Variants in TRAPPC10 observed in about 807,000 individuals in gnomAD.
The protein encoded by TRAPPC10 is TRAPP 130 kDa subunit.
TRAPPC10 carries 23 observed loss-of-function variants against 125.5 expected under a neutral mutation model. The ratio of observed to expected loss-of-function variants is 0.18; its 90% CI spans 0.13 to 0.26. The LOEUF (loss-of-function observed/expected upper bound fraction) is 0.26. TRAPPC10 is among the 10% of genes least tolerant of loss of function. The probability of loss-of-function intolerance (pLI) is 1.00; values close to 1 mark genes in which losing one functional copy is unlikely to be tolerated. For missense variants in TRAPPC10, 1,123 were observed against 1,308.4 expected, an observed-to-expected ratio of 0.86 and a Z score of 2.19; for synonymous variants, 509 against 518.0, an observed-to-expected ratio of 0.98 and a Z score of 0.24.
intron 17 of TRAPPC10, 51 bp from the exon 18 acceptor site, chr21:44,089,782 G>T: frequency 1.4e-6 from 2 of 1,436,442 alleles, no homozygotes; most frequent in Non-Finnish European, 2.0e-6. Flanking sequence ...GGTGGTGGCT[G>T]TGCTGTCCGT....
intron 12 of TRAPPC10, 50 bp downstream of exon 12, chr21:44,079,754 G>A (rs377248943): frequency 1.0e-5 from 16 of 1,569,344 alleles, no homozygotes; most frequent in South Asian, 2.4e-5. Context: ...CTGTTTATAC[G>A]GCAACATTGC....
At chr21:44,037,998 T>C (rs913889949) in intron 3 of TRAPPC10, 71 bp downstream of exon 3, 1 of 1,557,102 alleles carries the variant, frequency 6.4e-7, no homozygotes, top group Non-Finnish European at 8.7e-7. Context: ...GCTGTGTGAG[T>C]ACCAGTGGGG....
rs747473157 is a variant in TRAPPC10 at position 44,079,640 on chromosome 21, C to T, written c.1546C>T (p.Leu516Phe). The change falls in exon 12 of 23, where the codon CTC becomes TTC. Residue 516 changes from leucine to phenylalanine, a missense_variant. Transcript: ENST00000291574. Reference sequence around the variant, plus strand: ...AAACTACCTGGCTGAGGGCTGGGCACTCCCCATCACACACACAAGGAAGCA... The same window carrying T: ...AAACTACCTGGCTGAGGGCTGGGCATTCCCCATCACACACACAAGGAAGCA... ...LKNYLAEGWALPITHTRKQLA... is the reference protein window; with the variant it reads ...LKNYLAEGWAFPITHTRKQLA... 2 of 1,610,738 alleles carry T rather than the reference C, an allele frequency of 1.2e-6. No homozygotes were observed. The highest frequency in any genetic ancestry group is 3.4e-5 in the Admixed American group (2 of 58,800).
intron 1 of TRAPPC10, among the ~76,000 whole-genome samples, chr21:44,016,398 C>T (rs895037505): frequency 6.6e-6 from 1 of 152,172 alleles, no homozygotes. Flanking sequence ...TGACTGTCCT[C>T]ATACCTACAA....
intron 2 of TRAPPC10, 103 bp from the exon 3 acceptor site, chr21:44,037,689 T>C (rs958688906): frequency 2.6e-5 from 34 of 1,329,660 alleles, no homozygotes; most frequent in Non-Finnish European, 3.4e-5. Flanking sequence ...ATATATGTGC[T>C]CTGAACTCAT....
chr21:44,092,409 A>G (rs1169407112), intron 19 of TRAPPC10, among the ~76,000 whole-genome samples: 5 of 152,154 alleles, frequency 3.3e-5, no homozygotes, highest in African/African-American at 1.2e-4. Context: ...GGTGCCCGAC[A>G]CCTTGGTGCC....
chr21:44,018,580 T>G (rs2032132217), intron 1 of TRAPPC10, among the ~76,000 whole-genome samples: 1 of 151,666 alleles, frequency 6.6e-6, no homozygotes, highest in African/African-American at 2.4e-5. Flanking sequence ...GCGTCTGTAG[T>G]CCCAGCTACT....
intron 2 of TRAPPC10, among the ~76,000 whole-genome samples, chr21:44,032,825 C>T (rs2033695552): frequency 6.6e-6 from 1 of 152,238 alleles, no homozygotes; most frequent in African/African-American, 2.4e-5. Context: ...GCAAAGGAGA[C>T]ACGTGCTCAC....
At chr21:44,034,487 G>A (rs2033839666) in intron 2 of TRAPPC10, among the ~76,000 whole-genome samples, 4 of 152,114 alleles carry the variant, frequency 2.6e-5, no homozygotes, top group Admixed American at 6.5e-5. Context: ...GCACAGCTCC[G>A]CTCCGGGAAC....
At chr21:44,046,839 G>T in intron 3 of TRAPPC10, 1 of 669,938 alleles carries the variant, frequency 1.5e-6, no homozygotes, top group Non-Finnish European at 2.8e-6. Context: ...TTTCCTGCCA[G>T]TTCAAGTCCC....
At chr21:44,085,367 T>C (rs1380716035) in intron 15 of TRAPPC10, among the ~76,000 whole-genome samples, 3 of 152,130 alleles carry the variant, frequency 2.0e-5, no homozygotes, top group Non-Finnish European at 2.9e-5. Flanking sequence ...GTTTCATAAA[T>C]ATGTATATAA....
At chr21:44,030,032 C>G (rs2033431565) in intron 1 of TRAPPC10, among the ~76,000 whole-genome samples, 1 of 152,140 alleles carries the variant, frequency 6.6e-6, no homozygotes, top group South Asian at 2.1e-4. Flanking sequence ...TAGGTGAACA[C>G]AGGTTAGAGA....
intron 3 of TRAPPC10, among the ~76,000 whole-genome samples, chr21:44,047,285 C>T (rs959199698): frequency 2.7e-4 from 41 of 152,138 alleles, no homozygotes; most frequent in African/African-American, 9.4e-4. Flanking sequence ...TGGGTTCAAG[C>T]GATTCTTGTG....
At chr21:44,060,912 A>G (rs2035990492) in intron 6 of TRAPPC10, among the ~76,000 whole-genome samples, 1 of 116,312 alleles carries the variant, frequency 8.6e-6, no homozygotes, top group African/African-American at 5.1e-5. Flanking sequence ...ATACATACAT[A>G]CATACACACA....
chr21:44,014,550 C>T (rs1601529212), intron 1 of TRAPPC10, among the ~76,000 whole-genome samples: 1 of 151,328 alleles, frequency 6.6e-6, no homozygotes, highest in Non-Finnish European at 1.5e-5. Context: ...GGATTACAGG[C>T]GCATGCTGCC....
At chr21:44,073,740 G>A (rs1003632697) in intron 7 of TRAPPC10, among the ~76,000 whole-genome samples, 2 of 152,152 alleles carry the variant, frequency 1.3e-5, no homozygotes, top group Non-Finnish European at 2.9e-5. Context: ...GAGCAATAGG[G>A]AGCTCTTTTT....
intron 4 of TRAPPC10, among the ~76,000 whole-genome samples, chr21:44,052,937 A>T (rs887794668): frequency 6.6e-6 from 1 of 152,122 alleles, no homozygotes; most frequent in South Asian, 2.1e-4. Flanking sequence ...GGCAGTTAAT[A>T]GATTGTATGG....
At chr21:44,065,030 G>A (rs191034971) in intron 7 of TRAPPC10, among the ~76,000 whole-genome samples, 98 of 152,296 alleles carry the variant, frequency 6.4e-4, no homozygotes, top group Middle Eastern at 3.4e-3. Context: ...CACTCCTAGA[G>A]CCGGGCTCTC....
chr21:44,075,259 CACCAT>C, intron 9 of TRAPPC10, 106 bp downstream of exon 9: 3 of 777,398 alleles, frequency 3.9e-6, no homozygotes, highest in Non-Finnish European at 6.4e-6. Flanking sequence ...TCATATTACT[CACCAT>C]TTGGAAAATT....
Sources: gnomAD v4.1 joint callset for allele counts (sites outside exome capture counted in the v4.1 genomes callset) on GRCh38, gnomAD v4.1.1 for gene constraint, MANE v1.5 for transcripts, NCBI Gene and HGNC (gene_info 2026-07-23, HGNC 2026-07-21) for gene names.